The following USP24 variants were observed in gnomAD, a reference collection of about 807,000 sequenced individuals.
USP24 encodes the protein ubiquitin carboxyl-terminal hydrolase 24.
USP24 carries 97 observed loss-of-function variants against 361.6 expected under a neutral mutation model. The observed-to-expected ratio is 0.27, with a 90% CI of 0.23 to 0.32. The LOEUF (loss-of-function observed/expected upper bound fraction) is 0.32. Ranked by LOEUF, USP24 falls within the 10% of genes least tolerant of loss-of-function variation. USP24 has a pLI of 1.00. For synonymous variants in USP24, 1,098 were observed against 1,124.6 expected (o/e 0.98, Z 0.47); for missense variants, 2,353 against 3,165.6 (o/e 0.74, Z 6.16).
chr1:55,148,341 A>G (rs1647090616), intron 17 of USP24, 122 bp downstream of exon 17: 2 of 643,542 alleles, frequency 3.1e-6, no homozygotes, highest in East Asian at 6.2e-5. Context: ...ATTAGATGAT[A>G]TAAGTGAATT....
intron 46 of USP24, 112 bp from the exon 47 acceptor site, chr1:55,098,196 C>G: frequency 7.7e-7 from 1 of 1,297,206 alleles, no homozygotes; most frequent in Non-Finnish European, 1.0e-6. Flanking sequence ...GGGAGTCCCT[C>G]AATATTTTAA....
Position 55,106,142 on chromosome 1 carries a change from A to G in USP24, c.4880+4T>C. ...AAACTGAACACAACGTGCATTTTCC[A>G]TACTTTGGATGAAAGTCCTGTTGAC... On this transcript the variant is annotated splice_donor_region_variant and intron_variant, in intron 41 of 67. Transcript: ENST00000294383. 9 of 1,606,864 alleles carry G rather than the reference A, an allele frequency of 5.6e-6. No homozygotes were observed. The highest frequency in any genetic ancestry group is 6.0e-6 in the Non-Finnish European group (7 of 1,173,486).
intron 54 of USP24, among the ~76,000 whole-genome samples, chr1:55,090,222 A>G (rs544168458): frequency 1.2e-4 from 19 of 152,308 alleles, no homozygotes; most frequent in African/African-American, 4.3e-4. Flanking sequence ...TATAATGACT[A>G]TTCTACCCAA....
At chr1:55,174,054 T>C (rs1649710638) in intron 3 of USP24, among the ~76,000 whole-genome samples, 1 of 152,224 alleles carries the variant, frequency 6.6e-6, no homozygotes, top group African/African-American at 2.4e-5. Flanking sequence ...AACCATGCAC[T>C]ATGGTCAAAC....
chr1:55,147,033 C>T lies in USP24; in HGVS notation c.2146G>A (p.Ala716Thr). ...EYLEAHLKFL[A>T]FFLQEATLYL... The stretch of plus-strand genomic sequence containing the variant: ...AGAGTAGCTTCTTGCAAGAAAAACG[C>T]TAGAAATTTTAGATGTGCCTCTAAA... Residue 716 changes from alanine to threonine, a missense_variant, in exon 19 of 68, where the codon GCG becomes ACG. Ala to Thr is a moderately conservative substitution (Grantham distance 58, BLOSUM62 0). This residue lies in a region of USP24 where 949 missense variants were observed against 1,280.5 expected (regional missense o/e 0.74). Coordinates refer to ENST00000294383, the MANE Select transcript of USP24 (RefSeq NM_015306.3). The T allele has an allele frequency of 6.3e-7, 1 of 1,591,618 alleles. No homozygotes were observed. Among genetic ancestry groups the T allele is most frequent in the Non-Finnish European group, 8.5e-7 (1 of 1,171,698 alleles).
intron 56 of USP24, 139 bp from the exon 57 acceptor site, chr1:55,084,027 T>G: frequency 1.5e-6 from 1 of 679,904 alleles, no homozygotes; most frequent in Non-Finnish European, 2.5e-6. Context: ...GATGGACTTA[T>G]GCTTTGAAGA....
rs756840231 is a variant in USP24, at chr1:55,171,799, T to C, written c.703-121A>G. The C allele has an allele frequency of 1.7e-5, 19 of 1,140,938 alleles. No homozygotes were observed. In the East Asian group the frequency reaches 4.7e-4, roughly 28 times the overall value. The allele number at this position is 1,140,938 out of a possible 1,614,324, so 70.7% of individuals were successfully genotyped here. On this transcript the variant is annotated intron_variant, in intron 4 of 67. Coordinates refer to ENST00000294383, the MANE Select transcript of USP24 (RefSeq NM_015306.3). ...CCTCATTAATGGGATCTTTCAAGAA[T>C]ACACCGAAAGCATACGCCTTAGCTA...
At chr1:55,146,301 A>C (rs762260654) in intron 19 of USP24, among the ~76,000 whole-genome samples, 192 bp from the exon 20 acceptor site, 1 of 152,200 alleles carries the variant, frequency 6.6e-6, no homozygotes, top group Non-Finnish European at 1.5e-5. Flanking sequence ...CTAGATAATA[A>C]AAATATCTAC....
At chr1:55,120,514 T>G in intron 38 of USP24, 82 bp downstream of exon 38, 1 of 1,417,548 alleles carries the variant, frequency 7.1e-7, no homozygotes, top group Non-Finnish European at 9.3e-7. Context: ...AATAATGCAC[T>G]GTGGACTTCA....
intron 59 of USP24, 120 bp downstream of exon 59, chr1:55,081,202 G>T: frequency 1.0e-6 from 1 of 963,234 alleles, no homozygotes; most frequent in Non-Finnish European, 1.5e-6. Context: ...AATTTTAAGT[G>T]CACCTCAACT....
At chr1:55,154,338 T>C (rs1479525170) in intron 14 of USP24, 33 bp downstream of exon 14, 14 of 1,560,728 alleles carry the variant, frequency 9.0e-6, no homozygotes, top group Middle Eastern at 3.3e-4. Flanking sequence ...CTTTGAGCAT[T>C]TGTAGCTAGA....
At chr1:55,198,790 T>C (rs542355258) in intron 1 of USP24, among the ~76,000 whole-genome samples, 2 of 152,340 alleles carry the variant, frequency 1.3e-5, no homozygotes, top group East Asian at 1.9e-4. Context: ...TGTTGACAAA[T>C]GCAGTCTTAC....
chr1:55,150,284 G>C (rs1647157028), intron 16 of USP24, among the ~76,000 whole-genome samples: 1 of 152,132 alleles, frequency 6.6e-6, no homozygotes, highest in Admixed American at 6.6e-5. Context: ...AAAGGCTTAG[G>C]CTCAACCTCT....
At chr1:55,091,757 A>T (rs1645381771) in intron 54 of USP24, among the ~76,000 whole-genome samples, 1 of 152,144 alleles carries the variant, frequency 6.6e-6, no homozygotes, top group African/African-American at 2.4e-5. Flanking sequence ...AGCCTACTCT[A>T]ATCTCCTTAT....
intron 30 of USP24, 130 bp downstream of exon 30, chr1:55,133,940 G>A: frequency 6.8e-6 from 6 of 886,242 alleles, no homozygotes; most frequent in Non-Finnish European, 1.1e-5. Flanking sequence ...GCTGGTGAAG[G>A]TATTTTTCAA....
chr1:55,069,526 C>T (rs570071037), intron 67 of USP24, among the ~76,000 whole-genome samples: 2 of 152,266 alleles, frequency 1.3e-5, no homozygotes, highest in Admixed American at 1.3e-4. Flanking sequence ...ATCTGTGTGG[C>T]CTTTGGCTTA....
At chr1:55,120,523 C>T (rs1283901309) in intron 38 of USP24, 73 bp downstream of exon 38, 1 of 1,444,908 alleles carries the variant, frequency 6.9e-7, no homozygotes, top group Non-Finnish European at 9.1e-7. Flanking sequence ...CTGTGGACTT[C>T]AGGGGAGCAG....
chr1:55,126,001 G>A (rs1646418669), intron 32 of USP24, among the ~76,000 whole-genome samples: 1 of 152,144 alleles, frequency 6.6e-6, no homozygotes, highest in South Asian at 2.1e-4. Flanking sequence ...AGACCCATCA[G>A]GGTGATCCTT....
At chr1:55,196,417 A>G in intron 1 of USP24, among the ~76,000 whole-genome samples, 1 of 152,164 alleles carries the variant, frequency 6.6e-6, no homozygotes, top group South Asian at 2.1e-4. Flanking sequence ...CCACGAAATT[A>G]AATACTAAGA....
Sources: allele counts gnomAD v4.1 joint callset (sites outside exome capture counted in the v4.1 genomes callset), GRCh38; gene constraint gnomAD v4.1.1; regional missense constraint gnomAD v4.1.1; transcripts MANE v1.5; gene names NCBI Gene and HGNC (gene_info 2026-07-23, HGNC 2026-07-21).